The following KPNA6 variants were observed in gnomAD, a reference collection of about 807,000 sequenced individuals.
KPNA6 encodes the protein karyopherin subunit alpha 6, also known as importin subunit alpha-7.
Under a neutral mutation model 72.0 loss-of-function variants are expected in KPNA6, and 9 were observed. The observed-to-expected ratio is 0.13, with a 90% CI of 0.08 to 0.22. KPNA6 has a LOEUF of 0.22. KPNA6 is among the 10% of genes least tolerant of loss of function. The pLI, the probability that KPNA6 is intolerant of heterozygous loss-of-function variation, is 1.00. For synonymous variants in KPNA6, 219 were observed against 242.1 expected (o/e 0.90, Z 0.89); for missense variants, 374 against 655.7 (o/e 0.57, Z 4.69).
intron 7 of KPNA6, among the ~76,000 whole-genome samples, chr1:32,161,201 A>T (rs1356079765): frequency 3.3e-5 from 5 of 152,074 alleles, no homozygotes; most frequent in Non-Finnish European, 1.5e-5. Flanking sequence ...CTTGTTCCTC[A>T]CTTCATGGCA....
intron 1 of KPNA6, among the ~76,000 whole-genome samples, chr1:32,123,077 A>T (rs1331054195): frequency 6.6e-6 from 1 of 152,096 alleles, no homozygotes; most frequent in Non-Finnish European, 1.5e-5. Context: ...GTAGGAATGG[A>T]GAAAAAGACA....
rs766270748 is a variant in KPNA6, at chr1:32,171,602, A to C, written c.*708A>C. 6.6e-6 allele frequency: 1 copy of C among 151,930 alleles called. No homozygotes were observed. The highest frequency in any genetic ancestry group is 1.5e-5 in the Non-Finnish European group (1 of 67,986). The allele number at this position is 151,930 out of a possible 1,614,324, so 9.4% of individuals were successfully genotyped here. A position where few individuals can be genotyped will look rare whatever the true frequency, so the allele number is the denominator to read the frequency against. On this transcript the variant is annotated 3_prime_UTR_variant, in exon 14 of 14. Coordinates refer to ENST00000373625, the MANE Select transcript of KPNA6 (RefSeq NM_012316.5). The stretch of plus-strand genomic sequence containing the variant: ...AAACAAAGGTCCCTCCCTCCCTCTG[A>C]CTCTTTGCCCAGACCTCTTTAGTTT...
intron 1 of KPNA6, among the ~76,000 whole-genome samples, chr1:32,119,026 A>ATTTTT (rs1221375496): frequency 2.9e-5 from 2 of 69,390 alleles, no homozygotes; most frequent in Admixed American, 1.9e-4. Context: ...ATATATATAT[A>ATTTTT]TATATATTTT....
intron 1 of KPNA6, among the ~76,000 whole-genome samples, chr1:32,114,969 T>C (rs1641302926): frequency 6.6e-6 from 1 of 152,132 alleles, no homozygotes; most frequent in African/African-American, 2.4e-5. Flanking sequence ...GTCTCCTAAG[T>C]AGCTGGGATT....
intron 1 of KPNA6, among the ~76,000 whole-genome samples, chr1:32,115,877 A>G (rs72666749): frequency 0.13 from 19,640 of 151,336 alleles, 1,712 homozygotes; most frequent in South Asian, 0.25. Flanking sequence ...CCAGGTAGCC[A>G]GGATAACAGG....
chr1:32,166,452 C>G (rs1423936358), intron 11 of KPNA6, among the ~76,000 whole-genome samples: 1 of 139,600 alleles, frequency 7.2e-6, no homozygotes, highest in East Asian at 2.1e-4. Flanking sequence ...TGGTGAAACC[C>G]CATCTGTACT....
intron 1 of KPNA6, among the ~76,000 whole-genome samples, chr1:32,118,377 C>A (rs1340016555): frequency 6.7e-6 from 1 of 148,636 alleles, no homozygotes; most frequent in African/African-American, 2.5e-5. Context: ...CTCGCTTTTT[C>A]TCCCAGGCTG....
chr1:32,152,974 G>A (rs1386305276), intron 1 of KPNA6, among the ~76,000 whole-genome samples: 1 of 132,990 alleles, frequency 7.5e-6, no homozygotes, highest in African/African-American at 2.9e-5. Flanking sequence ...CCAAGATCGC[G>A]CCACTGCACT....
At chr1:32,108,673 C>T (rs545022701) in intron 1 of KPNA6, among the ~76,000 whole-genome samples, 2 of 152,352 alleles carry the variant, frequency 1.3e-5, no homozygotes, top group Admixed American at 1.3e-4. Context: ...GCTTGCGCCG[C>T]TGAAGGCCGG....
At position 32,173,318 on chromosome 1, in the gene KPNA6, A is replaced by G. The variant is rs1040918324; in HGVS notation, c.*2424A>G. The G allele has an allele frequency of 1.8e-5, 7 of 386,602 alleles. No homozygotes were observed. Among genetic ancestry groups the G allele is most frequent in the Non-Finnish European group, 2.7e-5 (6 of 219,092 alleles). The allele number at this position is 386,602 out of a possible 1,614,324, so 23.9% of individuals were successfully genotyped here. On this transcript the variant is annotated 3_prime_UTR_variant, in exon 14 of 14. Transcript: ENST00000373625. ...AGGGACCAGTTTCTTAGTGTAAGAC[A>G]TACACATCCTGCTTGTCCAGCTGTT...
At chr1:32,156,005 C>T (rs1412754892) in intron 2 of KPNA6, among the ~76,000 whole-genome samples, 1 of 150,060 alleles carries the variant, frequency 6.7e-6, no homozygotes, top group African/African-American at 2.5e-5. Context: ...GATCCACCTG[C>T]CCTGGCCTCC....
chr1:32,112,176 T>A (rs1426416745), intron 1 of KPNA6, among the ~76,000 whole-genome samples: 1 of 152,214 alleles, frequency 6.6e-6, no homozygotes, highest in Non-Finnish European at 1.5e-5. Flanking sequence ...TATTTTATTA[T>A]TTTTTGCCAG....
intron 1 of KPNA6, among the ~76,000 whole-genome samples, chr1:32,123,386 T>C (rs1336019746): frequency 6.6e-6 from 1 of 152,124 alleles, no homozygotes; most frequent in Non-Finnish European, 1.5e-5. Flanking sequence ...ATGTACCATG[T>C]CTGTGCTTTA....
chr1:32,122,987 A>G (rs2124527941), intron 1 of KPNA6, among the ~76,000 whole-genome samples: 1 of 151,948 alleles, frequency 6.6e-6, no homozygotes, highest in South Asian at 2.1e-4. Context: ...GTTTGGGTGT[A>G]AGGAGCAAAA....
intron 1 of KPNA6, among the ~76,000 whole-genome samples, chr1:32,142,544 A>G (rs76913105): frequency 0.014 from 2,192 of 152,184 alleles, 50 homozygotes; most frequent in African/African-American, 0.05. Flanking sequence ...GCCCCTACCT[A>G]TTTTGTATTA....
Position 32,175,627 on chromosome 1 carries a change from C to CA in KPNA6, c.*4739dup, listed in dbSNP as rs1642513041. 6.6e-6 allele frequency: 1 copy of CA among 150,944 alleles called. No homozygotes were observed. The highest frequency in any genetic ancestry group is 6.6e-5 in the Admixed American group (1 of 15,134). 9.4% of individuals were successfully genotyped at this position (150,944 alleles called of 1,614,324 possible). On this transcript the variant is annotated 3_prime_UTR_variant, in exon 14 of 14. Coordinates refer to ENST00000373625, the MANE Select transcript of KPNA6 (RefSeq NM_012316.5). ...TGAAACCCCATCTCTAATAAAAATA[C>CA]AAAAAATTAGCTGGGCGTGGTGGCA...
Position 32,160,704 on chromosome 1 carries a change from G to A in KPNA6, c.647+1G>A. The stretch of plus-strand genomic sequence containing the variant: ...GTTCCATCCTTAATCCTTTGTTAAC[G>A]TGAGTAATTATAATCATCTGTACCT... On this transcript the variant is annotated splice_donor_variant, in intron 7 of 13. Transcript: ENST00000373625. LOFTEE classifies it high-confidence loss of function. The A allele has an allele frequency of 6.2e-7, 1 of 1,611,194 alleles. No individual in the cohort carries two copies. The highest frequency in any genetic ancestry group is 1.7e-5 in the Admixed American group (1 of 60,004).
chr1:32,119,018 A>T lies in KPNA6; in HGVS notation c.4+10884A>T, dbSNP rs1490918294. 1.0e-3 allele frequency among the ~76,000 whole-genome samples: 71 copies of T among 69,570 alleles called. 3 individuals carry two copies. Among genetic ancestry groups the T allele is most frequent in the South Asian group, 3.0e-3 (5 of 1,664 alleles). 45.6% of individuals were successfully genotyped at this position (69,570 alleles called of 152,430 possible). A position where few individuals can be genotyped will look rare whatever the true frequency, so the allele number is the denominator to read the frequency against. Reference sequence around the variant, plus strand: ...TATACATATATATATATATATATATATATATATATATATATTTTTTTTTTT... The same window carrying T: ...TATACATATATATATATATATATATTTATATATATATATATTTTTTTTTTT... On this transcript the variant is annotated intron_variant, in intron 1 of 13. Transcript: ENST00000373625.
intron 11 of KPNA6, among the ~76,000 whole-genome samples, chr1:32,166,590 A>T (rs1642342812): frequency 7.1e-6 from 1 of 140,234 alleles, no homozygotes; most frequent in Non-Finnish European, 1.5e-5. Context: ...ACGCCACTGC[A>T]CTCCAGCCTG....
Sources: gnomAD v4.1 joint callset for allele counts (sites outside exome capture counted in the v4.1 genomes callset) on GRCh38, gnomAD v4.1.1 for gene constraint, MANE v1.5 for transcripts, NCBI Gene and HGNC (gene_info 2026-07-23, HGNC 2026-07-21) for gene names.